FCGR3A: variants seen among roughly 807,000 people sequenced by gnomAD.
FCGR3A encodes the protein Fc gamma receptor IIIa.
A neutral mutation model predicts 24.1 loss-of-function variants in FCGR3A; 13 were observed. The observed-to-expected ratio is 0.54, with a 90% CI of 0.35 to 0.86. The LOEUF (loss-of-function observed/expected upper bound fraction) is 0.86, where lower values mean the gene tolerates loss of function less well. Ranked by LOEUF, FCGR3A falls within the 40% of genes least tolerant of loss-of-function variation. FCGR3A has a pLI of 0.01. For synonymous variants in FCGR3A, 93 were observed against 112.2 expected, an observed-to-expected ratio of 0.83 and a Z score of 1.08; for missense variants, 235 against 298.0, an observed-to-expected ratio of 0.79 and a Z score of 1.56.
At chr1:161,546,927 A>G (rs1309873802) in intron 3 of FCGR3A, among the ~76,000 whole-genome samples, 1 of 151,784 alleles carries the variant, frequency 6.6e-6, no homozygotes, top group Admixed American at 6.6e-5. Context: ...AAAAACAAAC[A>G]CAAACAAACA....
Position 161,544,777 on chromosome 1 carries a change from G to A in FCGR3A, c.501C>T (p.Ser167=), listed in dbSNP as rs778068202. Residue 167 remains serine (S), a synonymous_variant, in exon 4 of 5, where the codon AGC becomes AGT. Coordinates refer to ENST00000443193, the MANE Select transcript of FCGR3A (RefSeq NM_000569.8). ...FYIPKATLKD[S]GSYFCRGLFG... ...AAAGCCCCCTGCAGAAGTAGGAGCCGCTGTCTTTGAGTGTGGCTTTTGGAA... is the reference window on the plus strand; with the variant it reads ...AAAGCCCCCTGCAGAAGTAGGAGCCACTGTCTTTGAGTGTGGCTTTTGGAA... 43 of 1,613,420 alleles carry A rather than the reference G, an allele frequency of 2.7e-5. No homozygotes were observed. The highest frequency in any genetic ancestry group is 5.3e-5 in the African/African-American group (4 of 74,846).
rs769548845 is a variant in FCGR3A, at chr1:161,549,791, C to A, written c.-55G>T. 6 of 1,613,708 alleles carry A rather than the reference C, an allele frequency of 3.7e-6. No homozygotes were observed. Among genetic ancestry groups the A allele is most frequent in the South Asian group, 1.1e-5 (1 of 91,032 alleles). On this transcript the variant is annotated 5_prime_UTR_variant, in exon 1 of 5. Transcript: ENST00000443193. ...AAGATATCCGGAGCCCTAAAGGGAC[C>A]AAACCGACTAGACAGGAGGAAGTAA... is the stretch of plus-strand genomic sequence containing the variant.
At position 161,548,976 on chromosome 1, in the gene FCGR3A, C is replaced by T. The variant is rs753427797; in HGVS notation, c.61+35G>A. ...ATGGCCTTTGTCCCCATATGTGCCC[C>T]ACTGGGTCAATCCAAGACCATGAAG... On this transcript the variant is annotated intron_variant, in intron 2 of 4. Transcript: ENST00000443193. 5.0e-6 allele frequency: 8 copies of T among 1,596,290 alleles called. No homozygotes were observed. The South Asian group carries it at 8.9e-5, about 18-fold the overall frequency.
At chr1:161,549,909 AG>A (rs1677672812), upstream of FCGR3A, 1 of 1,576,222 alleles carries the variant, frequency 6.3e-7, no homozygotes, top group Non-Finnish European at 8.7e-7. Context: ...AAGTCTGGCA[AG>A]GGAGCCCCAC....
At chr1:161,550,735 A>G (rs1352145158), upstream of FCGR3A, 1 of 152,534 alleles carries the variant, frequency 6.6e-6, no homozygotes. Context: ...TTACTCTCAC[A>G]ATGGTCCAGG....
intron 3 of FCGR3A, among the ~76,000 whole-genome samples, chr1:161,547,931 G>A (rs4656314): frequency 0.013 from 2,038 of 151,732 alleles, 1 homozygote; most frequent in East Asian, 0.063. Flanking sequence ...TTAGCTGGGC[G>A]TGGTGGCGGG....
At chr1:161,548,700 G>A in intron 2 of FCGR3A, 22 bp from the exon 3 acceptor site, 1 of 1,613,690 alleles carries the variant, frequency 6.2e-7, no homozygotes, top group Non-Finnish European at 8.5e-7. Flanking sequence ...AGATAATGTG[G>A]GGTGAGGACA....
At chr1:161,550,050 AT>A (rs1677689463), upstream of FCGR3A, 1 of 611,616 alleles carries the variant, frequency 1.6e-6, no homozygotes, top group Non-Finnish European at 2.8e-6. Context: ...GCCCTCAGCC[AT>A]CCCAGGATGC....
Position 161,542,794 on chromosome 1 carries a change from G to A in FCGR3A, c.*218C>T. 1 of 442,426 alleles carries A rather than the reference G, an allele frequency of 2.3e-6. No homozygotes were observed. The highest frequency in any genetic ancestry group is 5.9e-4 in the Middle Eastern group (1 of 1,682). 27.4% of individuals were successfully genotyped at this position (442,426 alleles called of 1,614,324 possible). On this transcript the variant is annotated 3_prime_UTR_variant, in exon 5 of 5. Transcript: ENST00000443193. ...GTAGCTCTGAAACTTCAATTTCTAG[G>A]AATGCAGCTACTCACTGGGGCTTCC...
At chr1:161,546,631 C>T (rs777081123) in intron 3 of FCGR3A, among the ~76,000 whole-genome samples, 5 of 151,932 alleles carry the variant, frequency 3.3e-5, no homozygotes, top group South Asian at 2.1e-4. Flanking sequence ...GCAGGCTGGG[C>T]GCGGTGGCTC....
At position 161,548,691 on chromosome 1, in the gene FCGR3A, G is replaced by A. The variant is rs753330143; in HGVS notation, c.62-13C>T. ...TTTGGGAGATCTTCTGAGGAGCCAAGATAATGTGGGGTGAGGACAGGGAGA... is the reference window on the plus strand; with the variant it reads ...TTTGGGAGATCTTCTGAGGAGCCAAAATAATGTGGGGTGAGGACAGGGAGA... On this transcript the variant is annotated splice_polypyrimidine_tract_variant and intron_variant, in intron 2 of 4. Coordinates refer to ENST00000443193, the MANE Select transcript of FCGR3A (RefSeq NM_000569.8). The A allele has an allele frequency of 6.2e-7, 1 of 1,613,726 alleles. No homozygotes were observed. Among genetic ancestry groups the A allele is most frequent in the Non-Finnish European group, 8.5e-7 (1 of 1,179,816 alleles).
At chr1:161,547,345 C>T (rs1677467148) in intron 3 of FCGR3A, among the ~76,000 whole-genome samples, 1 of 152,138 alleles carries the variant, frequency 6.6e-6, no homozygotes, top group African/African-American at 2.4e-5. Flanking sequence ...CCTCCTTATG[C>T]CCTTCTTCCC....
rs1346919997 is a variant in FCGR3A at position 161,542,305 on chromosome 1, C to T, written c.*707G>A. The T allele has an allele frequency of 6.6e-6, 1 of 151,448 alleles. No individual in the cohort carries two copies. Among genetic ancestry groups the T allele is most frequent in the Middle Eastern group, 3.2e-3 (1 of 314 alleles). The allele number at this position is 151,448 out of a possible 1,614,324, so 9.4% of individuals were successfully genotyped here. ...CCACCCCCCACCGCAATCCTCAGTC[C>T]CCTTCCTAGGACCATTTTCTACTCC... On this transcript the variant is annotated 3_prime_UTR_variant, in exon 5 of 5. Transcript: ENST00000443193.
chr1:161,544,779 T>C lies in FCGR3A; in HGVS notation c.499A>G (p.Ser167Gly), dbSNP rs749634031. The C allele has an allele frequency of 4.3e-6, 7 of 1,613,530 alleles. No individual in the cohort carries two copies. The African/African-American group carries it at 9.4e-5, about 22-fold the overall frequency. ...AGCCCCCTGCAGAAGTAGGAGCCGC[T>C]GTCTTTGAGTGTGGCTTTTGGAATG... Reference protein sequence around the residue: ...FYIPKATLKDSGSYFCRGLFG... With the variant: ...FYIPKATLKDGGSYFCRGLFG... The change falls in exon 4 of 5, where the codon AGC (serine) becomes GGC (glycine). Residue 167 changes from serine (S) to glycine (G), a missense_variant. Transcript: ENST00000443193.
chr1:161,547,025 T>C (rs556320498), intron 3 of FCGR3A, among the ~76,000 whole-genome samples: 4 of 152,236 alleles, frequency 2.6e-5, no homozygotes, highest in African/African-American at 9.6e-5. Context: ...GAAGTTTACC[T>C]GGTGAAGCTA....
chr1:161,550,083 G>T, upstream of FCGR3A: 1 of 590,152 alleles, frequency 1.7e-6, no homozygotes, highest in Non-Finnish European at 3.0e-6. Context: ...CCTGGATTTG[G>T]ATCCACCCAG....
chr1:161,549,906 G>T, upstream of FCGR3A: 2 of 1,578,276 alleles, frequency 1.3e-6, no homozygotes, highest in Non-Finnish European at 8.6e-7. Context: ...CTGAAGTCTG[G>T]CAAGGGAGCC....
chr1:161,549,167 T>C (rs1402411516), intron 1 of FCGR3A, 136 bp from the exon 2 acceptor site: 4 of 730,574 alleles, frequency 5.5e-6, no homozygotes, highest in East Asian at 5.4e-5. Context: ...ATGTTTCTGG[T>C]GGAAACCTTG....
chr1:161,548,609 G>T lies in FCGR3A; in HGVS notation c.131C>A (p.Thr44Asn), dbSNP rs776818304. Residue 44 changes from threonine (T) to asparagine (N), a missense_variant, in exon 3 of 5, where the codon ACT becomes AAT. By Grantham distance (65) the Thr-to-Asn change is moderately conservative (BLOSUM62 0). Coordinates refer to ENST00000443193, the MANE Select transcript of FCGR3A (RefSeq NM_000569.8). The part of the protein sequence containing the change: ...WYRVLEKDSV[T>N]LKCQGAYSPE... ...GGAGTAGGCTCCCTGGCACTTCAGA[G>T]TCACACTGTCCTTCTCGAGCACCCT... 6.2e-7 allele frequency: 1 copy of T among 1,613,830 alleles called. No homozygotes were observed. Among genetic ancestry groups the T allele is most frequent in the Admixed American group, 1.7e-5 (1 of 59,994 alleles).
Sources: allele counts gnomAD v4.1 joint callset (sites outside exome capture counted in the v4.1 genomes callset), GRCh38; gene constraint gnomAD v4.1.1; transcripts MANE v1.5; gene names NCBI Gene and HGNC (gene_info 2026-07-23, HGNC 2026-07-21).